The following SKA1 variants were observed in gnomAD, a reference collection of about 807,000 sequenced individuals.
The protein encoded by SKA1 is spindle and kinetochore associated complex subunit 1, also known as SKA complex subunit 1.
Under a neutral mutation model 31.8 loss-of-function variants are expected in SKA1, and 20 were observed. The ratio of observed to expected loss-of-function variants is 0.63; its 90% CI spans 0.44 to 0.91. The LOEUF is 0.91. Among genes scored for constraint, SKA1 ranks in the 40% least tolerant of loss-of-function variants. The pLI, the probability that SKA1 is intolerant of heterozygous loss-of-function variation, is 0.00. For synonymous variants in SKA1, 88 were observed against 100.5 expected (o/e 0.88, Z 0.74); for missense variants, 253 against 298.2 (o/e 0.85, Z 1.12).
At chr18:50,375,689 C>A in intron 1 of SKA1, 131 bp from the exon 2 acceptor site, 1 of 603,712 alleles carries the variant, frequency 1.7e-6, no homozygotes, top group Non-Finnish European at 2.9e-6. Context: ...AAAGAAATTG[C>A]TCTTGAATTT....
rs994702712 is a variant in SKA1 at position 50,375,058 on chromosome 18, T to G, written c.-148T>G. On this transcript the variant is annotated 5_prime_UTR_variant, in exon 1 of 7. Transcript: ENST00000285116. ...CGGAAGCATGGATGTGCGCCTGCGC[T>G]GCGCTAGGGCGCGGCGGGCGGTTTG... 6.6e-6 allele frequency: 1 copy of G among 152,406 alleles called. No individual in the cohort carries two copies. The highest frequency in any genetic ancestry group is 2.4e-5 in the African/African-American group (1 of 41,478). 9.4% of individuals were successfully genotyped at this position (152,406 alleles called of 1,614,324 possible). A position where few individuals can be genotyped will look rare whatever the true frequency, so the allele number is the denominator to read the frequency against.
intron 5 of SKA1, among the ~76,000 whole-genome samples, chr18:50,387,183 G>T (rs1452990406): frequency 1.3e-5 from 2 of 152,176 alleles, no homozygotes; most frequent in African/African-American, 4.8e-5. Context: ...TATTGTCAGT[G>T]TTCTGGATTT....
intron 5 of SKA1, 36 bp from the exon 6 acceptor site, chr18:50,391,088 C>G: frequency 1.4e-6 from 2 of 1,383,386 alleles, no homozygotes; most frequent in Non-Finnish European, 1.9e-6. Context: ...TATGATGATT[C>G]TTTAAAACAA....
intron 5 of SKA1, among the ~76,000 whole-genome samples, chr18:50,387,774 CT>C: frequency 6.6e-6 from 1 of 152,050 alleles, no homozygotes; most frequent in Non-Finnish European, 1.5e-5. Flanking sequence ...GCATTTTATC[CT>C]TTTTCCATTA....
intron 5 of SKA1, among the ~76,000 whole-genome samples, chr18:50,388,903 G>C (rs2041333118): frequency 6.6e-6 from 1 of 152,142 alleles, no homozygotes; most frequent in South Asian, 2.1e-4. Flanking sequence ...GGATCCCCAG[G>C]AGTTTTTAAC....
Position 50,380,007 on chromosome 18 carries a change from G to A in SKA1, c.89-119G>A, listed in dbSNP as rs1387474370. 5 of 775,444 alleles carry A rather than the reference G, an allele frequency of 6.4e-6. No homozygotes were observed. The South Asian group carries it at 1.3e-4, about 21-fold the overall frequency. 48.0% of individuals were successfully genotyped at this position (775,444 alleles called of 1,614,324 possible). A position where few individuals can be genotyped will look rare whatever the true frequency, so the allele number is the denominator to read the frequency against. ...GAGTCATTTTCTAGGGGCTAAAGCA[G>A]TAGACCTTTTTCCACCCCTCTCTAA... is the stretch of plus-strand genomic sequence containing the variant. On this transcript the variant is annotated intron_variant, in intron 2 of 6. Coordinates refer to ENST00000285116, the MANE Select transcript of SKA1 (RefSeq NM_145060.4).
At position 50,391,291 on chromosome 18, in the gene SKA1, A is replaced by G; in HGVS notation, c.617A>G (p.Lys206Arg). Residue 206 changes from lysine (K) to arginine (R), a missense_variant and splice_region_variant, in exon 6 of 7, where the codon AAA becomes AGA. Transcript: ENST00000285116. ...ATTGATGAAGAAACGAAGGATACCA[A>G]AGGTAAAATGGCAGCATATATGTGT... ...RFIDEETKDT[K>R]GRYFIVEADI... The G allele has an allele frequency of 6.3e-7, 1 of 1,588,280 alleles. No homozygotes were observed. Among genetic ancestry groups the G allele is most frequent in the Non-Finnish European group, 8.5e-7 (1 of 1,172,076 alleles).
In SKA1 at chr18:50,392,307, A is replaced by C. The variant is rs79766058; in HGVS notation, c.*60A>C. 7.6e-3 allele frequency: 8,033 copies of C among 1,053,922 alleles called. 312 individuals carry two copies. In the East Asian group the frequency reaches 0.12, roughly 16 times the overall value. The allele number at this position is 1,053,922 out of a possible 1,614,324, so 65.3% of individuals were successfully genotyped here. A position where few individuals can be genotyped will look rare whatever the true frequency, so the allele number is the denominator to read the frequency against. On this transcript the variant is annotated 3_prime_UTR_variant, in exon 7 of 7. Transcript: ENST00000285116. ...ATAGAGTATAGAGGCTATTTCTATA[A>C]TTTTCTTATATATAATTTTTTTAAC...
chr18:50,384,251 G>A (rs933789189), intron 4 of SKA1, among the ~76,000 whole-genome samples: 11 of 152,084 alleles, frequency 7.2e-5, no homozygotes, highest in Non-Finnish European at 2.9e-5. Context: ...ATAATAACAG[G>A]TATAAGAAAT....
At chr18:50,379,903 C>A (rs527254772) in intron 2 of SKA1, among the ~76,000 whole-genome samples, 2 of 152,150 alleles carry the variant, frequency 1.3e-5, no homozygotes, top group African/African-American at 2.4e-5. Flanking sequence ...AAACAAAAGA[C>A]GCAGGAGAGA....
chr18:50,381,976 T>C (rs2041267353), intron 3 of SKA1, among the ~76,000 whole-genome samples, 153 bp from the exon 4 acceptor site: 1 of 152,150 alleles, frequency 6.6e-6, no homozygotes, highest in African/African-American at 2.4e-5. Context: ...CCACCCGCCT[T>C]AGCCTCCCAA....
intron 5 of SKA1, among the ~76,000 whole-genome samples, chr18:50,387,775 T>G (rs984448012): frequency 4.6e-5 from 7 of 152,208 alleles, no homozygotes; most frequent in Non-Finnish European, 7.3e-5. Context: ...CATTTTATCC[T>G]TTTTCCATTA....
chr18:50,379,376 G>A (rs2041246232), intron 2 of SKA1, among the ~76,000 whole-genome samples: 1 of 151,984 alleles, frequency 6.6e-6, no homozygotes, highest in Non-Finnish European at 1.5e-5. Flanking sequence ...GTCTGCTTAG[G>A]GGTGGTTTTG....
intron 3 of SKA1, 53 bp downstream of exon 3, chr18:50,380,303 C>T: frequency 6.7e-7 from 1 of 1,484,198 alleles, no homozygotes; most frequent in Non-Finnish European, 8.9e-7. Flanking sequence ...TACAAACTCC[C>T]TAATCATTAA....
At chr18:50,389,708 A>G (rs1173683066) in intron 5 of SKA1, among the ~76,000 whole-genome samples, 1 of 152,036 alleles carries the variant, frequency 6.6e-6, no homozygotes, top group African/African-American at 2.4e-5. Flanking sequence ...CATTTCCTTT[A>G]TTGACAGCTT....
chr18:50,381,302 C>T (rs1179082596), intron 3 of SKA1, among the ~76,000 whole-genome samples: 2 of 152,146 alleles, frequency 1.3e-5, no homozygotes, highest in Non-Finnish European at 2.9e-5. Flanking sequence ...CCAAAACACC[C>T]CAGCTTTCAA....
intron 5 of SKA1, among the ~76,000 whole-genome samples, chr18:50,386,634 C>T (rs945992326): frequency 6.6e-6 from 1 of 152,132 alleles, no homozygotes; most frequent in African/African-American, 2.4e-5. Flanking sequence ...TTTTGACAAA[C>T]GTATAATGTC....
intron 5 of SKA1, among the ~76,000 whole-genome samples, chr18:50,386,136 C>T (rs552208571): frequency 8.5e-5 from 13 of 152,202 alleles, no homozygotes; most frequent in Middle Eastern, 3.4e-3. Context: ...ATACAACTTA[C>T]TATCCTTTTA....
At chr18:50,384,870 T>TA (rs1568329774) in intron 4 of SKA1, among the ~76,000 whole-genome samples, 3 of 61,306 alleles carry the variant, frequency 4.9e-5, no homozygotes, top group Admixed American at 2.0e-4. Flanking sequence ...AAAAAAAAAA[T>TA]TAAAAAAAAA....
Sources: gnomAD v4.1 joint callset for allele counts (sites outside exome capture counted in the v4.1 genomes callset) on GRCh38, gnomAD v4.1.1 for gene constraint, MANE v1.5 for transcripts, NCBI Gene and HGNC (gene_info 2026-07-23, HGNC 2026-07-21) for gene names.